The following ANO4 variants were observed in gnomAD, a reference collection of about 807,000 sequenced individuals.
ANO4 encodes the protein anoctamin 4, also known as anoctamin-4.
Under a neutral mutation model 141.9 loss-of-function variants are expected in ANO4, and 69 were observed. That is an observed-to-expected ratio of 0.49 (90% CI 0.40 to 0.59). The LOEUF (loss-of-function observed/expected upper bound fraction) is 0.59, where lower values mean the gene tolerates loss of function less well. Ranked by LOEUF, ANO4 falls within the 20% of genes least tolerant of loss-of-function variation. ANO4 has a pLI of 0.00. For synonymous variants in ANO4, 350 were observed against 394.3 expected (o/e 0.89, Z 1.33); for missense variants, 894 against 1,162.2 (o/e 0.77, Z 3.36).
chr12:100,902,213 A>G lies in ANO4; in HGVS notation c.55+373A>G, dbSNP rs115012817. On this transcript the variant is annotated intron_variant, in intron 2 of 27. Transcript: ENST00000392977. ...TCAGGAAAAAAATTCAAGCCAAAAA[A>G]CACCCACTTTGAAACCTAGGTTATC... 7.7e-3 allele frequency among the ~76,000 whole-genome samples: 1,179 copies of G among 152,310 alleles called. 15 individuals carry two copies. Among genetic ancestry groups the G allele is most frequent in the African/African-American group, 0.027 (1,113 of 41,560 alleles).
chr12:100,786,257 A>G (rs2033870159), intron 3 of ANO4, among the ~76,000 whole-genome samples: 1 of 152,234 alleles, frequency 6.6e-6, no homozygotes, highest in Admixed American at 6.5e-5. Context: ...GTAGTTCTTT[A>G]GGCGCTGATG....
chr12:100,978,773 G>C (rs1161138292), intron 7 of ANO4, among the ~76,000 whole-genome samples: 1 of 152,208 alleles, frequency 6.6e-6, no homozygotes, highest in Non-Finnish European at 1.5e-5. Context: ...CTAAGGGCTA[G>C]GGAAAATATT....
intron 1 of ANO4, among the ~76,000 whole-genome samples, chr12:100,814,440 G>A (rs1218925354): frequency 6.6e-6 from 1 of 152,104 alleles, no homozygotes; most frequent in Non-Finnish European, 1.5e-5. Context: ...TGCGTAGAGA[G>A]CAGTAAGGAT....
At chr12:101,002,645 T>C (rs918640539) in intron 8 of ANO4, among the ~76,000 whole-genome samples, 1 of 152,162 alleles carries the variant, frequency 6.6e-6, no homozygotes, top group South Asian at 2.1e-4. Flanking sequence ...AGTTCAGGTG[T>C]CATCTTCTTT....
intron 25 of ANO4, among the ~76,000 whole-genome samples, chr12:101,119,880 T>C (rs3847934): frequency 0.46 from 70,351 of 152,072 alleles, 18,791 homozygotes; most frequent in African/African-American, 0.74. Context: ...TAGTGCCTGG[T>C]CCCCAACAGG....
intron 1 of ANO4, among the ~76,000 whole-genome samples, chr12:100,831,711 G>C (rs928377996): frequency 2.0e-5 from 3 of 151,784 alleles, no homozygotes. Flanking sequence ...TTGTGATAAG[G>C]TGGAAGGGCC....
intron 7 of ANO4, among the ~76,000 whole-genome samples, chr12:100,975,411 TTTTC>T (rs887893846): frequency 1.3e-5 from 2 of 149,696 alleles, no homozygotes; most frequent in African/African-American, 2.4e-5. Flanking sequence ...TCTTTTTTCT[TTTTC>T]TTTCTTTCTT....
chr12:101,003,195 G>C (rs1179553778), intron 8 of ANO4, among the ~76,000 whole-genome samples: 1 of 152,212 alleles, frequency 6.6e-6, no homozygotes, highest in African/African-American at 2.4e-5. Flanking sequence ...TCAGTGGCCT[G>C]CACAAAGGTT....
intron 14 of ANO4, chr12:101,069,366 T>G: frequency 6.9e-6 from 4 of 580,306 alleles, no homozygotes; most frequent in Non-Finnish European, 1.3e-5. Flanking sequence ...ATATTTTGAT[T>G]TCTACAAATC....
chr12:100,825,850 A>G (rs17402276), intron 1 of ANO4, among the ~76,000 whole-genome samples: 29,316 of 152,004 alleles, frequency 0.19, 3,367 homozygotes, highest in Middle Eastern at 0.35. Flanking sequence ...TTGACTGGAC[A>G]TTTTCTGATG....
chr12:100,894,537 G>A (rs1269357119), intron 1 of ANO4, among the ~76,000 whole-genome samples: 1 of 151,992 alleles, frequency 6.6e-6, no homozygotes, highest in Non-Finnish European at 1.5e-5. Context: ...CACAAATTCT[G>A]CCCCCTCTTA....
At chr12:100,832,334 A>G (rs1174978227) in intron 1 of ANO4, among the ~76,000 whole-genome samples, 1 of 152,120 alleles carries the variant, frequency 6.6e-6, no homozygotes, top group Non-Finnish European at 1.5e-5. Context: ...ACCCTTGACT[A>G]AAACTGTCTC....
intron 3 of ANO4, among the ~76,000 whole-genome samples, chr12:100,750,781 T>C (rs2135497203): frequency 6.6e-6 from 1 of 152,278 alleles, no homozygotes; most frequent in Middle Eastern, 3.4e-3. Context: ...GACATTGTTT[T>C]GATATTAAAA....
At chr12:100,858,733 G>T (rs1024038580) in intron 1 of ANO4, among the ~76,000 whole-genome samples, 16 of 151,962 alleles carry the variant, frequency 1.1e-4, no homozygotes, top group African/African-American at 3.9e-4. Context: ...TAGGATTTGG[G>T]GTCCATTTTC....
chr12:100,921,384 A>G (rs1485270559), intron 2 of ANO4, among the ~76,000 whole-genome samples: 1 of 152,144 alleles, frequency 6.6e-6, no homozygotes, highest in African/African-American at 2.4e-5. Context: ...TGAGATTTCT[A>G]CAGAATTTCT....
chr12:100,994,160 C>T (rs2045267382), intron 8 of ANO4, among the ~76,000 whole-genome samples: 1 of 152,202 alleles, frequency 6.6e-6, no homozygotes, highest in Non-Finnish European at 1.5e-5. Context: ...AAAATCACAT[C>T]CCTTTCCTCC....
chr12:100,930,878 G>A lies in ANO4; in HGVS notation c.161-8437G>A, dbSNP rs546600428. On this transcript the variant is annotated intron_variant, in intron 3 of 27. Coordinates refer to ENST00000392977, the MANE Select transcript of ANO4 (RefSeq NM_001286615.2). ...TTGTTTGGTATAGGTAGGGGTAGAA[G>A]GTGAGCCTTGCCCGCTCAGTTGTCT... is the stretch of plus-strand genomic sequence containing the variant. Among the ~76,000 whole-genome samples, 58 of 152,212 alleles carry A rather than the reference G, an allele frequency of 3.8e-4. 2 individuals carry two copies. In the South Asian group the frequency reaches 9.5e-3, roughly 25 times the overall value.
chr12:100,894,017 A>T (rs956253154), intron 1 of ANO4, among the ~76,000 whole-genome samples: 2 of 152,150 alleles, frequency 1.3e-5, no homozygotes, highest in African/African-American at 2.4e-5. Context: ...CTTCATGTAG[A>T]TATTGAGCCA....
chr12:101,000,048 TAAAA>T (rs34706681), intron 8 of ANO4, among the ~76,000 whole-genome samples: 6 of 122,688 alleles, frequency 4.9e-5, no homozygotes, highest in African/African-American at 1.9e-4. Context: ...GACTCCATCT[TAAAA>T]AAAAAAAAAA....
Sources: allele counts gnomAD v4.1 joint callset (sites outside exome capture counted in the v4.1 genomes callset), GRCh38; gene constraint gnomAD v4.1.1; transcripts MANE v1.5; gene names NCBI Gene and HGNC (gene_info 2026-07-23, HGNC 2026-07-21).